Variants in NEBL observed in about 807,000 individuals in gnomAD.
The protein encoded by NEBL is nebulette.
NEBL carries 122 observed loss-of-function variants against 140.2 expected under a neutral mutation model. That is an observed-to-expected ratio of 0.87 (90% CI 0.75 to 1.01). The LOEUF (loss-of-function observed/expected upper bound fraction) is 1.01, where lower values mean the gene tolerates loss of function less well. Among genes scored for constraint, NEBL ranks in the 50% least tolerant of loss-of-function variants. NEBL has a pLI of 0.00. For missense variants in NEBL, 1,365 were observed against 1,231.3 expected (o/e 1.11, Z -1.62); for synonymous variants, 436 against 398.9 (o/e 1.09, Z -1.11).
At chr10:21,099,517 T>A (rs559800045) in intron 2 of NEBL, among the ~76,000 whole-genome samples, 2 of 152,306 alleles carry the variant, frequency 1.3e-5, no homozygotes, top group Admixed American at 1.3e-4. Context: ...ACCACCCCTT[T>A]CAATTTCCTC....
intron 2 of NEBL, among the ~76,000 whole-genome samples, chr10:21,114,902 G>T (rs1170732931): frequency 6.6e-6 from 1 of 151,508 alleles, no homozygotes; most frequent in East Asian, 1.9e-4. Context: ...ATTTAATGTG[G>T]CTATTAAAAT....
intron 3 of NEBL, among the ~76,000 whole-genome samples, chr10:20,984,826 G>C (rs1837190528): frequency 6.6e-6 from 1 of 152,184 alleles, no homozygotes; most frequent in African/African-American, 2.4e-5. Flanking sequence ...AGCTTCATCT[G>C]TATTTACAGC....
intron 2 of NEBL, among the ~76,000 whole-genome samples, chr10:21,073,587 A>T (rs1232074090): frequency 2.0e-5 from 3 of 148,062 alleles, no homozygotes; most frequent in Non-Finnish European, 4.5e-5. Context: ...AGTACACTCT[A>T]GCCTGGGTGA....
At chr10:20,907,231 T>C (rs1202363031) in intron 4 of NEBL, among the ~76,000 whole-genome samples, 1 of 152,200 alleles carries the variant, frequency 6.6e-6, no homozygotes, top group Non-Finnish European at 1.5e-5. Flanking sequence ...GATTTTAATT[T>C]CCAGACCTGT....
intron 2 of NEBL, among the ~76,000 whole-genome samples, chr10:21,049,934 C>G (rs1172575016): frequency 6.6e-6 from 1 of 152,160 alleles, no homozygotes; most frequent in Admixed American, 6.5e-5. Flanking sequence ...CTCCAGAATA[C>G]CTCATTGATG....
chr10:20,925,778 T>C (rs1833880190), intron 4 of NEBL, among the ~76,000 whole-genome samples: 1 of 152,014 alleles, frequency 6.6e-6, no homozygotes, highest in Non-Finnish European at 1.5e-5. Context: ...TCAGCCATAT[T>C]GGCTATTGTC....
chr10:20,858,203 C>A lies in NEBL; in HGVS notation c.903+37G>T, dbSNP rs1323444530. On this transcript the variant is annotated intron_variant, in intron 9 of 27. Transcript: ENST00000377122. The stretch of plus-strand genomic sequence containing the variant: ...CAGACATATTGGCTTCTTGGAGCCA[C>A]AAGGCAACTACGGTTGCCGCTAGAT... 5 of 1,506,072 alleles carry A rather than the reference C, an allele frequency of 3.3e-6. No individual in the cohort carries two copies. The South Asian group carries it at 3.4e-5, about 10-fold the overall frequency. The allele number at this position is 1,506,072 out of a possible 1,614,324, so 93.3% of individuals were successfully genotyped here.
chr10:21,049,007 C>A (rs1178996993), intron 2 of NEBL, among the ~76,000 whole-genome samples: 1 of 151,924 alleles, frequency 6.6e-6, no homozygotes, highest in South Asian at 2.1e-4. Flanking sequence ...GAGACTCCAA[C>A]TCAAATAAAT....
intron 3 of NEBL, among the ~76,000 whole-genome samples, chr10:21,216,405 C>T (rs1467009796): frequency 1.3e-5 from 2 of 152,152 alleles, no homozygotes; most frequent in East Asian, 1.9e-4. Flanking sequence ...CCTGTAATCC[C>T]AGCACTTTGG....
At chr10:21,172,407 T>C (rs1841118537) in exon 2 of NEBL, 1 of 1,613,536 alleles carries the variant, frequency 6.2e-7, no homozygotes, top group Non-Finnish European at 8.5e-7. Context: ...CTTCTTTTCA[T>C]AGCCTTTGTA....
At chr10:20,910,993 C>A (rs888564270) in intron 4 of NEBL, among the ~76,000 whole-genome samples, 3 of 151,528 alleles carry the variant, frequency 2.0e-5, no homozygotes, top group African/African-American at 7.3e-5. Context: ...CACAGCAAGA[C>A]CCTGTCTCTA....
chr10:20,798,660 A>G lies in NEBL; in HGVS notation c.2761+9850T>C, dbSNP rs1358055238. 5.9e-5 allele frequency among the ~76,000 whole-genome samples: 9 copies of G among 152,220 alleles called. No homozygotes were observed. In the South Asian group the frequency reaches 1.2e-3, roughly 21 times the overall value. On this transcript the variant is annotated intron_variant, in intron 26 of 27. Transcript: ENST00000377122. Reference sequence around the variant, plus strand: ...CCCGAAAAGCTTTCTCATTTGACACACATGCTAGAGCCACATTTATGTTCT... The same window carrying G: ...CCCGAAAAGCTTTCTCATTTGACACGCATGCTAGAGCCACATTTATGTTCT...
chr10:20,856,739 TCC>T (rs1248413561), intron 9 of NEBL, among the ~76,000 whole-genome samples: 1 of 152,136 alleles, frequency 6.6e-6, no homozygotes, highest in Non-Finnish European at 1.5e-5. Flanking sequence ...TAACCTCCAT[TCC>T]CTGTTCAATA....
intron 2 of NEBL, among the ~76,000 whole-genome samples, chr10:21,031,406 C>CA (rs1258386077): frequency 6.6e-6 from 1 of 152,136 alleles, no homozygotes; most frequent in Admixed American, 6.5e-5. Context: ...GACCGCAGGA[C>CA]AAAAACCAGG....
At chr10:20,936,918 A>G (rs984256387) in intron 4 of NEBL, among the ~76,000 whole-genome samples, 5 of 152,220 alleles carry the variant, frequency 3.3e-5, no homozygotes, top group Admixed American at 3.3e-4. Context: ...ACAAAAGCAT[A>G]AGAAGGAAAT....
intron 26 of NEBL, among the ~76,000 whole-genome samples, chr10:20,798,926 CT>C (rs1836830415): frequency 6.6e-6 from 1 of 152,180 alleles, no homozygotes; most frequent in Non-Finnish European, 1.5e-5. Flanking sequence ...TATGACATTT[CT>C]TTCATTCCAT....
chr10:21,193,396 G>A lies in NEBL; in HGVS notation n.349-20919C>T, dbSNP rs183759984. Among the ~76,000 whole-genome samples, 6 of 152,332 alleles carry A rather than the reference G, an allele frequency of 3.9e-5. No individual in the cohort carries two copies. In the South Asian group the frequency reaches 1.2e-3, roughly 32 times the overall value. ...GTCGGAAACCAGCAGGGGTGCAGGA[G>A]TGATGAGTTGGGGAAGCTTCAAAAC... On this transcript the variant is annotated intron_variant and non_coding_transcript_variant, in intron 3 of 8. Transcript: ENST00000675702.
intron 4 of NEBL, among the ~76,000 whole-genome samples, chr10:20,926,204 G>C (rs564727733): frequency 9.8e-5 from 15 of 152,298 alleles, no homozygotes; most frequent in Admixed American, 9.2e-4. Context: ...CCTTTCACCA[G>C]GGACAGGATT....
At chr10:21,162,070 C>T (rs905907096) in intron 2 of NEBL, among the ~76,000 whole-genome samples, 3 of 152,154 alleles carry the variant, frequency 2.0e-5, no homozygotes, top group Non-Finnish European at 4.4e-5. Context: ...ACCAATGAGT[C>T]AATCAATCAT....
Sources: gnomAD v4.1 joint callset for allele counts (sites outside exome capture counted in the v4.1 genomes callset) on GRCh38, gnomAD v4.1.1 for gene constraint, MANE v1.5 for transcripts, NCBI Gene and HGNC (gene_info 2026-07-23, HGNC 2026-07-21) for gene names.